Variants in DACH2 observed in about 807,000 individuals in gnomAD.
DACH2 encodes dachshund family transcription factor 2.
Under a neutral mutation model 35.8 loss-of-function variants are expected in DACH2, and 17 were observed. That is an observed-to-expected ratio of 0.48 (90% confidence interval 0.33 to 0.71). The LOEUF is 0.71. DACH2 is among the 30% of genes least tolerant of loss of function. The pLI is 0.02. For synonymous variants in DACH2, 195 were observed against 177.3 expected, an observed-to-expected ratio of 1.10 and a Z score of -0.79; for missense variants, 469 against 472.7, an observed-to-expected ratio of 0.99 and a Z score of 0.07.
intron 1 of DACH2, among the ~76,000 whole-genome samples, chrX:86,180,773 G>C (rs1390248976): frequency 8.9e-6 from 1 of 111,827 alleles, no homozygotes; most frequent in South Asian, 3.7e-4. Context: ...AGGGAAAAAT[G>C]CTTAATCTAT....
chrX:86,395,434 C>T (rs1602471622), intron 2 of DACH2, among the ~76,000 whole-genome samples: 1 of 110,401 alleles, frequency 9.1e-6, no homozygotes, highest in African/African-American at 3.3e-5. Flanking sequence ...ATGTGCACAA[C>T]GTGCAGGTTT....
At chrX:86,519,126 A>G (rs1473768293) in intron 3 of DACH2, among the ~76,000 whole-genome samples, 1 of 112,101 alleles carries the variant, frequency 8.9e-6, no homozygotes, top group Non-Finnish European at 1.9e-5. Flanking sequence ...ATTTTATCAT[A>G]AACCAGTTCT....
chrX:86,366,695 G>A (rs146011313), intron 1 of DACH2, among the ~76,000 whole-genome samples: 1,751 of 110,713 alleles, frequency 0.016, 29 homozygotes, highest in African/African-American at 0.055. Context: ...GGAGGTGTTT[G>A]GGCTGTGGGG....
intron 1 of DACH2, among the ~76,000 whole-genome samples, chrX:86,369,717 T>C (rs6623657): frequency 0.14 from 15,152 of 111,082 alleles, 931 homozygotes; most frequent in East Asian, 0.3. Flanking sequence ...TTTATTTTCA[T>C]GAATAGCTTT....
At chrX:86,822,588 A>G (rs770281262) in intron 11 of DACH2, among the ~76,000 whole-genome samples, 65 of 112,084 alleles carry the variant, frequency 5.8e-4, no homozygotes, top group Non-Finnish European at 8.6e-4. Flanking sequence ...CTATCAATCC[A>G]TTCTTGTAAA....
In DACH2 at chrX:86,381,762, T is replaced by C. The variant is rs779888930; in HGVS notation, c.527+4900T>C. 3.3e-3 allele frequency among the ~76,000 whole-genome samples: 367 copies of C among 110,945 alleles called. 3 individuals are homozygous for C. Among genetic ancestry groups the C allele is most frequent in the African/African-American group, 0.012 (354 of 30,745 alleles). ...CAATTTGTGAAAATTGTTGTAACAC[T>C]CTCTCTGGCTCAGTTAATAAGATCA... is the stretch of plus-strand genomic sequence containing the variant. On this transcript the variant is annotated intron_variant, in intron 2 of 11. Coordinates refer to ENST00000373125, the MANE Select transcript of DACH2 (RefSeq NM_053281.3).
At chrX:86,294,427 CA>C (rs1393501888) in intron 1 of DACH2, among the ~76,000 whole-genome samples, 2 of 110,301 alleles carry the variant, frequency 1.8e-5, no homozygotes, top group African/African-American at 6.6e-5. Context: ...CTCAGCTTGT[CA>C]AAGTCATTAT....
intron 1 of DACH2, chrX:86,304,358 T>A (rs1334907681): frequency 1.8e-5 from 2 of 112,116 alleles, no homozygotes; most frequent in Non-Finnish European, 3.8e-5. Context: ...ACTTTCATAA[T>A]CAGTGATGGC....
chrX:86,795,991 GA>G (rs2042233390), intron 7 of DACH2, among the ~76,000 whole-genome samples: 1 of 111,668 alleles, frequency 9.0e-6, no homozygotes, highest in Non-Finnish European at 1.9e-5. Context: ...TGTGAAGAGC[GA>G]AAGAACAAAG....
chrX:86,583,040 G>A (rs1020721899), intron 3 of DACH2, among the ~76,000 whole-genome samples: 1 of 111,430 alleles, frequency 9.0e-6, no homozygotes, highest in Admixed American at 9.6e-5. Context: ...TTATCCCTGT[G>A]ATGCAAGGTT....
In DACH2 at chrX:86,542,984, G is replaced by A. The variant is rs202016477; in HGVS notation, c.640+28593G>A. 4.8e-4 allele frequency among the ~76,000 whole-genome samples: 54 copies of A among 112,338 alleles called. 1 individual carries two copies. In the East Asian group the frequency reaches 0.013, roughly 26 times the overall value. ...GACCTAGTCTGGAGGGCCAAGGGGG[G>A]CCTTCTCTAAGGAAAGGACATTTGA... On this transcript the variant is annotated intron_variant, in intron 3 of 11. Transcript: ENST00000373125.
chrX:86,278,926 G>A (rs956407754), intron 1 of DACH2, among the ~76,000 whole-genome samples: 1 of 112,073 alleles, frequency 8.9e-6, no homozygotes, highest in African/African-American at 3.2e-5. Flanking sequence ...AAAGCCTCCA[G>A]AAAGTTTGAA....
intron 3 of DACH2, among the ~76,000 whole-genome samples, chrX:86,636,591 C>G (rs1370417866): frequency 9.0e-6 from 1 of 111,336 alleles, no homozygotes; most frequent in East Asian, 2.8e-4. Context: ...ACAACACTGA[C>G]AAAAACAAGC....
intron 6 of DACH2, among the ~76,000 whole-genome samples, chrX:86,733,060 A>G (rs1229648038): frequency 8.9e-6 from 1 of 111,756 alleles, no homozygotes; most frequent in Non-Finnish European, 1.9e-5. Flanking sequence ...TTAATTTTAA[A>G]TAATATTTGA....
chrX:86,815,502 C>T (rs982381877), intron 10 of DACH2, among the ~76,000 whole-genome samples: 2 of 109,038 alleles, frequency 1.8e-5, no homozygotes, highest in African/African-American at 6.7e-5. Flanking sequence ...AATCATAAAA[C>T]ATTTGTCCCT....
chrX:86,626,038 A>G (rs1225062133), intron 3 of DACH2, among the ~76,000 whole-genome samples: 3 of 111,666 alleles, frequency 2.7e-5, no homozygotes, highest in Admixed American at 9.5e-5. Flanking sequence ...CATTAACTTA[A>G]AAGTCCACAG....
chrX:86,433,538 A>T (rs969366249), intron 2 of DACH2, among the ~76,000 whole-genome samples: 2 of 111,921 alleles, frequency 1.8e-5, no homozygotes, highest in Non-Finnish European at 3.8e-5. Flanking sequence ...TATACAAGGC[A>T]GTATGCTAGG....
chrX:86,202,564 T>C, intron 1 of DACH2, among the ~76,000 whole-genome samples: 1 of 111,376 alleles, frequency 9.0e-6, no homozygotes, highest in Middle Eastern at 4.7e-3. Context: ...AGGTGAAGGG[T>C]AAATGCCTGG....
chrX:86,494,584 A>G (rs1267878102), intron 2 of DACH2, among the ~76,000 whole-genome samples: 3 of 112,907 alleles, frequency 2.7e-5, no homozygotes, highest in African/African-American at 9.6e-5. Flanking sequence ...GTTTAACTTC[A>G]GAGCTCTGAT....
Sources: gnomAD v4.1 joint callset for allele counts (sites outside exome capture counted in the v4.1 genomes callset) on GRCh38, gnomAD v4.1.1 for gene constraint, MANE v1.5 for transcripts, NCBI Gene and HGNC (gene_info 2026-07-23, HGNC 2026-07-21) for gene names.